NBEA: variants seen among roughly 807,000 people sequenced by gnomAD.
NBEA encodes neurobeachin.
In NBEA, 44 loss-of-function variants were observed where a neutral mutation model predicts 343.4. That is an observed-to-expected ratio of 0.13 (90% confidence interval 0.10 to 0.16). The LOEUF is 0.16. Ranked by LOEUF, NBEA falls within the 10% of genes least tolerant of loss-of-function variation. NBEA has a pLI of 1.00. For synonymous variants in NBEA, 1,175 were observed against 1,238.7 expected (o/e 0.95, Z 1.08); for missense variants, 2,555 against 3,631.3 (o/e 0.70, Z 7.62).
intron 31 of NBEA, among the ~76,000 whole-genome samples, chr13:35,207,647 A>G (rs2073485184): frequency 6.6e-6 from 1 of 152,174 alleles, no homozygotes; most frequent in South Asian, 2.1e-4. Context: ...CACAATGTCA[A>G]ATTCAGAAAT....
chr13:35,156,972 C>G lies in NBEA; in HGVS notation c.2652-106C>G, dbSNP rs1276481171. The G allele has an allele frequency of 5.5e-6, 5 of 903,010 alleles. No homozygotes were observed. The Admixed American group carries it at 1.4e-4, about 26-fold the overall frequency. 55.9% of individuals were successfully genotyped at this position (903,010 alleles called of 1,614,324 possible). A position where few individuals can be genotyped will look rare whatever the true frequency, so the allele number is the denominator to read the frequency against. On this transcript the variant is annotated intron_variant, in intron 20 of 58. Coordinates refer to ENST00000379939, the MANE Select transcript of NBEA (RefSeq NM_001385012.1). ...CAGCATGACTGTACACCTTGCTTTA[C>G]TGAGGTCAGATCATATTTTCACTAT...
intron 18 of NBEA, among the ~76,000 whole-genome samples, chr13:35,142,809 G>T (rs974889994): frequency 2.2e-4 from 33 of 151,980 alleles, no homozygotes; most frequent in African/African-American, 7.5e-4. Context: ...AGAATTATTT[G>T]TAAAAATGAT....
At position 35,667,512 on chromosome 13, in the gene NBEA, G is replaced by A; in HGVS notation, c.8603G>A (p.Ser2868Asn). 1.2e-6 allele frequency: 2 copies of A among 1,614,008 alleles called. No homozygotes were observed. Among genetic ancestry groups the A allele is most frequent in the South Asian group, 1.1e-5 (1 of 91,088 alleles). ...CIIYYERGRF[S>N]NFSINGKLLA... Reference sequence around the variant, plus strand: ...ATATACTATGAACGAGGGCGATTCAGTAATTTCAGCATTAATGGGAAACTT... The same window carrying A: ...ATATACTATGAACGAGGGCGATTCAATAATTTCAGCATTAATGGGAAACTT... Residue 2868 changes from serine to asparagine, a missense_variant, in exon 57 of 59, where the codon AGT becomes AAT. Ser to Asn is a conservative substitution (Grantham distance 46, BLOSUM62 1). This residue lies in a region of NBEA where 186 missense variants were observed against 328.9 expected (regional missense o/e 0.57). Coordinates refer to ENST00000379939, the MANE Select transcript of NBEA (RefSeq NM_001385012.1).
At chr13:35,600,153 T>G (rs2081984334) in intron 47 of NBEA, among the ~76,000 whole-genome samples, 1 of 152,154 alleles carries the variant, frequency 6.6e-6, no homozygotes, top group Admixed American at 6.5e-5. Flanking sequence ...GAATTTACAT[T>G]AAAATAAGAT....
At chr13:35,422,373 C>A (rs1247241884) in intron 38 of NBEA, among the ~76,000 whole-genome samples, 1 of 147,152 alleles carries the variant, frequency 6.8e-6, no homozygotes, top group Non-Finnish European at 1.5e-5. Context: ...TGTTCAGTTC[C>A]CACCTATGAG....
chr13:34,976,065 A>C (rs1022075171), intron 1 of NBEA, among the ~76,000 whole-genome samples: 1 of 152,234 alleles, frequency 6.6e-6, no homozygotes, highest in Non-Finnish European at 1.5e-5. Flanking sequence ...CAGCAATCCC[A>C]CTACTACGTA....
At chr13:35,324,931 C>A (rs936345870) in intron 36 of NBEA, among the ~76,000 whole-genome samples, 1 of 151,974 alleles carries the variant, frequency 6.6e-6, no homozygotes, top group Non-Finnish European at 1.5e-5. Context: ...TTTAGAACAA[C>A]AGAAAATACC....
chr13:35,606,601 T>C (rs1322881556), intron 48 of NBEA, 23 bp downstream of exon 48: 2 of 1,575,108 alleles, frequency 1.3e-6, no homozygotes, highest in Non-Finnish European at 1.7e-6. Flanking sequence ...TTGCTTTTGC[T>C]TGGGCAGTCA....
intron 34 of NBEA, among the ~76,000 whole-genome samples, chr13:35,266,077 C>T (rs75541321): frequency 0.048 from 7,250 of 151,628 alleles, 170 homozygotes; most frequent in African/African-American, 0.063. Flanking sequence ...TACAAGTGGC[C>T]AAGAGGTATA....
chr13:35,486,546 T>C (rs750755181), intron 41 of NBEA, among the ~76,000 whole-genome samples: 6 of 151,992 alleles, frequency 3.9e-5, no homozygotes, highest in Non-Finnish European at 7.4e-5. Context: ...CATTTACAAA[T>C]AAAGAGACTG....
At chr13:35,459,304 G>T (rs1017221320) in intron 40 of NBEA, among the ~76,000 whole-genome samples, 2 of 152,064 alleles carry the variant, frequency 1.3e-5, no homozygotes, top group African/African-American at 4.8e-5. Context: ...AACAAAATCA[G>T]GTATCCAGTG....
intron 34 of NBEA, among the ~76,000 whole-genome samples, chr13:35,259,730 C>A (rs960206344): frequency 6.6e-6 from 1 of 151,928 alleles, no homozygotes. Context: ...TGAATTTTTA[C>A]AAATATAGTT....
At chr13:35,037,332 A>C (rs1176046995) in intron 1 of NBEA, among the ~76,000 whole-genome samples, 1 of 152,210 alleles carries the variant, frequency 6.6e-6, no homozygotes, top group African/African-American at 2.4e-5. Flanking sequence ...GAGTTTCCTC[A>C]ACACAGCTAT....
chr13:35,021,171 T>C (rs1566173519), intron 1 of NBEA, among the ~76,000 whole-genome samples: 1 of 152,210 alleles, frequency 6.6e-6, no homozygotes, highest in Non-Finnish European at 1.5e-5. Context: ...GGCAAACTAT[T>C]GCCTATCTGC....
At chr13:35,612,183 A>G (rs1345445045) in intron 48 of NBEA, among the ~76,000 whole-genome samples, 1 of 150,426 alleles carries the variant, frequency 6.6e-6, no homozygotes, top group East Asian at 2.0e-4. Flanking sequence ...CCCAGGCTGG[A>G]GTGCAGTGGC....
intron 34 of NBEA, among the ~76,000 whole-genome samples, chr13:35,278,138 T>C (rs905959332): frequency 6.7e-6 from 1 of 148,302 alleles, no homozygotes; most frequent in Non-Finnish European, 1.5e-5. Context: ...AATATATATA[T>C]ATGCACACAT....
At position 35,010,726 on chromosome 13, in the gene NBEA, C is replaced by CAAAA. The variant is rs769896169; in HGVS notation, c.295-30194_295-30191dup. Among the ~76,000 whole-genome samples the CAAAA allele has an allele frequency of 2.3e-3, 22 of 9,694 alleles. 2 individuals are homozygous for CAAAA. Among genetic ancestry groups the CAAAA allele is most frequent in the South Asian group, 7.2e-3 (1 of 138 alleles). 6.4% of individuals were successfully genotyped at this position (9,694 alleles called of 152,430 possible). A position where few individuals can be genotyped will look rare whatever the true frequency, so the allele number is the denominator to read the frequency against. On this transcript the variant is annotated intron_variant, in intron 1 of 58. Coordinates refer to ENST00000379939, the MANE Select transcript of NBEA (RefSeq NM_001385012.1). ...ACAACATAGCAAGACTGGGTCTCTACAAAAAAAAAAAAAAAATATATATAT... is the reference window on the plus strand; with the variant it reads ...ACAACATAGCAAGACTGGGTCTCTACAAAAAAAAAAAAAAAAAAAATATATATAT...
intron 1 of NBEA, among the ~76,000 whole-genome samples, chr13:34,969,771 GTT>G (rs561654911): frequency 1.7e-4 from 25 of 145,996 alleles, no homozygotes; most frequent in African/African-American, 4.7e-4. Flanking sequence ...TATATACCAC[GTT>G]TTTTTTTTTA....
chr13:35,648,134 G>T (rs2084329716), intron 51 of NBEA, among the ~76,000 whole-genome samples: 2 of 150,558 alleles, frequency 1.3e-5, no homozygotes, highest in Admixed American at 6.6e-5. Context: ...AAAGCGCTGG[G>T]AATACAGGCA....
Sources: allele counts gnomAD v4.1 joint callset (sites outside exome capture counted in the v4.1 genomes callset), GRCh38; gene constraint gnomAD v4.1.1; regional missense constraint gnomAD v4.1.1; transcripts MANE v1.5; gene names NCBI Gene and HGNC (gene_info 2026-07-23, HGNC 2026-07-21).